Variants in PAN3 observed in about 807,000 individuals in gnomAD.
PAN3 encodes PAN2-PAN3 deadenylation complex subunit PAN3.
A neutral mutation model predicts 96.2 loss-of-function variants in PAN3; 19 were observed. The observed-to-expected ratio is 0.20, with a 90% CI of 0.14 to 0.29. The LOEUF (loss-of-function observed/expected upper bound fraction) is 0.29. Ranked by LOEUF, PAN3 falls within the 10% of genes least tolerant of loss-of-function variation. The pLI, the probability that PAN3 is intolerant of heterozygous loss-of-function variation, is 1.00. For synonymous variants in PAN3, 433 were observed against 406.6 expected (o/e 1.06, Z -0.78); for missense variants, 882 against 1,108.1 (o/e 0.80, Z 2.90).
chr13:28,238,596 G>T (rs980167699), intron 6 of PAN3, among the ~76,000 whole-genome samples: 5 of 152,094 alleles, frequency 3.3e-5, no homozygotes, highest in Non-Finnish European at 5.9e-5. Flanking sequence ...AATTAGGATA[G>T]ATTTTCATTT....
intron 4 of PAN3, among the ~76,000 whole-genome samples, chr13:28,185,778 GTT>G (rs1336136518): frequency 1.3e-5 from 2 of 152,158 alleles, no homozygotes; most frequent in Non-Finnish European, 2.9e-5. Context: ...AGTAATGGTA[GTT>G]TAAGTAAAAC....
chr13:28,236,966 T>C (rs1883174187), intron 6 of PAN3, among the ~76,000 whole-genome samples: 1 of 152,372 alleles, frequency 6.6e-6, no homozygotes, highest in East Asian at 1.9e-4. Context: ...GTGATGATTT[T>C]GCATGACTAT....
intron 17 of PAN3, among the ~76,000 whole-genome samples, chr13:28,287,500 C>T (rs557809019): frequency 1.3e-5 from 2 of 152,278 alleles, no homozygotes; most frequent in East Asian, 1.9e-4. Flanking sequence ...TTCCTAAGGT[C>T]ACTGAAAACT....
Position 28,208,538 on chromosome 13 carries a change from T to TG in PAN3, c.852+11198dup, listed in dbSNP as rs890441130. 2.6e-5 allele frequency among the ~76,000 whole-genome samples: 4 copies of TG among 152,118 alleles called. No individual in the cohort carries two copies. In the East Asian group the frequency reaches 7.7e-4, roughly 29 times the overall value. ...CTATAAGTGTTTCAGATTTTTTTTT[T>TG]GGGGGGTATGTTTGAATCCATTTAG... On this transcript the variant is annotated intron_variant, in intron 5 of 18. Coordinates refer to ENST00000380958, the MANE Select transcript of PAN3 (RefSeq NM_175854.8).
At chr13:28,229,858 A>G (rs1379082026) in intron 6 of PAN3, among the ~76,000 whole-genome samples, 1 of 152,128 alleles carries the variant, frequency 6.6e-6, no homozygotes, top group African/African-American at 2.4e-5. Context: ...CTCTGGGTGA[A>G]CCAGGGAAGA....
chr13:28,192,290 G>A (rs942877603), intron 4 of PAN3, among the ~76,000 whole-genome samples: 1 of 150,072 alleles, frequency 6.7e-6, no homozygotes, highest in East Asian at 2.0e-4. Context: ...GGCTGGTCTC[G>A]AATTTCTGAC....
intron 7 of PAN3, among the ~76,000 whole-genome samples, chr13:28,257,744 T>G (rs1885306047): frequency 7.2e-6 from 1 of 138,412 alleles, no homozygotes; most frequent in South Asian, 2.3e-4. Context: ...ATAAATTATA[T>G]ATAATATATA....
chr13:28,244,783 T>G (rs1357289760), intron 6 of PAN3, among the ~76,000 whole-genome samples: 1 of 152,088 alleles, frequency 6.6e-6, no homozygotes, highest in Non-Finnish European at 1.5e-5. Flanking sequence ...TTCTGGCTAT[T>G]CTTGATGCTT....
In PAN3 at chr13:28,138,939, C is replaced by A. The variant is rs1220309650; in HGVS notation, c.282C>A (p.Pro94=). The change falls in exon 1 of 19, where the codon CCC becomes CCA. Residue 94 remains proline, a synonymous_variant. Transcript: ENST00000380958. ...TCCCCCTGGCTCTGGCTGGTGCACC[C>A]GTGGCCGGCTTTCCGCCGGGAGCCG... The part of the protein sequence containing the change: ...NSVPLALAGA[P]VAGFPPGAVA... The A allele has an allele frequency of 3.7e-6, 5 of 1,334,564 alleles. No individual in the cohort carries two copies. In the African/African-American group the frequency reaches 6.1e-5, roughly 16 times the overall value. 82.7% of individuals were successfully genotyped at this position (1,334,564 alleles called of 1,614,324 possible). A position where few individuals can be genotyped will look rare whatever the true frequency, so the allele number is the denominator to read the frequency against.
Position 28,280,394 on chromosome 13 carries a change from C to T in PAN3, c.2190-18C>T, listed in dbSNP as rs1566257018. ...TGCATGTTGGACATCCAAGTAATTCCTCTTTTATCTTGGGTAGGTATTTGT... is the reference window on the plus strand; with the variant it reads ...TGCATGTTGGACATCCAAGTAATTCTTCTTTTATCTTGGGTAGGTATTTGT... On this transcript the variant is annotated intron_variant, in intron 15 of 18. Transcript: ENST00000380958. 1 of 1,590,318 alleles carries T rather than the reference C, an allele frequency of 6.3e-7. No individual in the cohort carries two copies. The highest frequency in any genetic ancestry group is 1.2e-5 in the South Asian group (1 of 86,280).
At chr13:28,244,046 G>T (rs1883942501) in intron 6 of PAN3, among the ~76,000 whole-genome samples, 1 of 152,158 alleles carries the variant, frequency 6.6e-6, no homozygotes, top group African/African-American at 2.4e-5. Flanking sequence ...ATTAGCACCA[G>T]ATGTGAGCAT....
At chr13:28,232,160 AG>A (rs1304489133) in intron 6 of PAN3, among the ~76,000 whole-genome samples, 1 of 152,196 alleles carries the variant, frequency 6.6e-6, no homozygotes, top group Non-Finnish European at 1.5e-5. Flanking sequence ...TCTCATTCAC[AG>A]AATTCCTAAT....
chr13:28,153,040 T>C (rs769947618), intron 1 of PAN3, among the ~76,000 whole-genome samples: 4 of 152,124 alleles, frequency 2.6e-5, no homozygotes, highest in Non-Finnish European at 5.9e-5. Context: ...ACAGGATATA[T>C]GTACAGAGTT....
At chr13:28,217,793 T>C (rs950878228) in intron 5 of PAN3, among the ~76,000 whole-genome samples, 4 of 152,100 alleles carry the variant, frequency 2.6e-5, no homozygotes, top group Admixed American at 2.0e-4. Context: ...GAAATATCTG[T>C]CTTTAGGAAA....
At chr13:28,223,969 C>T (rs983606386) in intron 6 of PAN3, among the ~76,000 whole-genome samples, 3 of 146,978 alleles carry the variant, frequency 2.0e-5, no homozygotes, top group Non-Finnish European at 4.5e-5. Context: ...GCCAGGTTCA[C>T]GCCATTCTCC....
At chr13:28,220,083 C>A in intron 5 of PAN3, 148 bp from the exon 6 acceptor site, 2 of 711,086 alleles carry the variant, frequency 2.8e-6, no homozygotes, top group African/African-American at 1.8e-5. Flanking sequence ...AATTATGACA[C>A]ACCAAAATAT....
intron 12 of PAN3, among the ~76,000 whole-genome samples, chr13:28,267,969 CTAAGA>C (rs1167505708): frequency 2.0e-5 from 3 of 152,088 alleles, no homozygotes; most frequent in South Asian, 2.1e-4. Context: ...TGCATATTTA[CTAAGA>C]TAAGATAGAT....
At position 28,141,462 on chromosome 13, in the gene PAN3, CTTTTTT is replaced by C. The variant is rs759736683; in HGVS notation, c.430+2392_430+2397del. On this transcript the variant is annotated intron_variant, in intron 1 of 18. Transcript: ENST00000380958. Reference sequence around the variant, plus strand: ...TCTAGGATTTTCTTTTTCTTTTTTTCTTTTTTTTTTTTTTTTTTTTTTGAGACGGAG... The same window carrying C: ...TCTAGGATTTTCTTTTTCTTTTTTTCTTTTTTTTTTTTTTTTGAGACGGAG... 9.1e-3 allele frequency among the ~76,000 whole-genome samples: 821 copies of C among 90,296 alleles called. 6 individuals carry two copies. The highest frequency in any genetic ancestry group is 0.029 in the African/African-American group (688 of 23,406). 59.2% of individuals were successfully genotyped at this position (90,296 alleles called of 152,430 possible). A position where few individuals can be genotyped will look rare whatever the true frequency, so the allele number is the denominator to read the frequency against.
intron 1 of PAN3, among the ~76,000 whole-genome samples, chr13:28,157,739 G>A (rs1872388323): frequency 6.6e-6 from 1 of 152,124 alleles, no homozygotes; most frequent in East Asian, 1.9e-4. Context: ...CGATGCTCAT[G>A]GATAGGAAGA....
Sources: gnomAD v4.1 joint callset for allele counts (sites outside exome capture counted in the v4.1 genomes callset) on GRCh38, gnomAD v4.1.1 for gene constraint, MANE v1.5 for transcripts, NCBI Gene and HGNC (gene_info 2026-07-23, HGNC 2026-07-21) for gene names.